The following LMX1B variants were observed in gnomAD, a reference collection of about 807,000 sequenced individuals.
LMX1B encodes the protein LIM homeobox transcription factor 1 beta.
Under a neutral mutation model 51.4 loss-of-function variants are expected in LMX1B, and 12 were observed. The observed-to-expected ratio is 0.23, with a 90% CI of 0.15 to 0.38. LMX1B has a LOEUF of 0.38. LMX1B is among the 10% of genes least tolerant of loss of function. LMX1B has a pLI of 1.00. For synonymous variants in LMX1B, 237 were observed against 235.4 expected, an observed-to-expected ratio of 1.01 and a Z score of -0.06; for missense variants, 445 against 571.1, an observed-to-expected ratio of 0.78 and a Z score of 2.25.
chr9:126,614,395 C>G lies in LMX1B; in HGVS notation c.-55C>G. Reference sequence around the variant, plus strand: ...GCCGCGGCGGCGGAGAGCGGGTGGACGGGCCGGCGGGCGAGCAGCCCGGCC... The same window carrying G: ...GCCGCGGCGGCGGAGAGCGGGTGGAGGGGCCGGCGGGCGAGCAGCCCGGCC... On this transcript the variant is annotated 5_prime_UTR_variant, in exon 1 of 8. Coordinates refer to ENST00000373474, the MANE Select transcript of LMX1B (RefSeq NM_001174147.2). 7.7e-7 allele frequency: 1 copy of G among 1,304,722 alleles called. No homozygotes were observed. Among genetic ancestry groups the G allele is most frequent in the Non-Finnish European group, 9.8e-7 (1 of 1,021,824 alleles). 80.8% of individuals were successfully genotyped at this position (1,304,722 alleles called of 1,614,324 possible).
chr9:126,635,069 G>A (rs865847622), intron 2 of LMX1B, among the ~76,000 whole-genome samples: 1 of 152,220 alleles, frequency 6.6e-6, no homozygotes, highest in African/African-American at 2.4e-5. Flanking sequence ...TATGAAGCCT[G>A]CTGATGGCCT....
At chr9:126,636,964 C>T (rs1293491605) in intron 2 of LMX1B, among the ~76,000 whole-genome samples, 1 of 152,192 alleles carries the variant, frequency 6.6e-6, no homozygotes, top group Non-Finnish European at 1.5e-5. Context: ...CTGGGTGGGA[C>T]CCAGGAAGCC....
At chr9:126,675,720 T>A (rs1836541810) in intron 2 of LMX1B, among the ~76,000 whole-genome samples, 2 of 123,606 alleles carry the variant, frequency 1.6e-5, no homozygotes, top group Non-Finnish European at 3.3e-5. Flanking sequence ...CAAGACTCCA[T>A]CTCAAAAAAA....
chr9:126,678,326 A>C lies in LMX1B; in HGVS notation c.327-12510A>C, dbSNP rs1485101629. On this transcript the variant is annotated intron_variant, in intron 2 of 7. Coordinates refer to ENST00000373474, the MANE Select transcript of LMX1B (RefSeq NM_001174147.2). ...CTTCGTCTCAAAAAAAAAAAACAAA[A>C]AACAAAAAAAAAAAACAAAAAGACT... Among the ~76,000 whole-genome samples, 11 of 109,076 alleles carry C rather than the reference A, an allele frequency of 1.0e-4. 1 individual carries two copies. The highest frequency in any genetic ancestry group is 6.1e-4 in the African/African-American group (11 of 18,130). The allele number at this position is 109,076 out of a possible 152,430, so 71.6% of individuals were successfully genotyped here.
At chr9:126,694,338 C>T (rs1449469137) in intron 6 of LMX1B, among the ~76,000 whole-genome samples, 1 of 152,194 alleles carries the variant, frequency 6.6e-6, no homozygotes, top group African/African-American at 2.4e-5. Flanking sequence ...TGGACCTCAG[C>T]CCCAAGCCTG....
chr9:126,681,216 C>T (rs1300576391), intron 2 of LMX1B, among the ~76,000 whole-genome samples: 2 of 152,140 alleles, frequency 1.3e-5, no homozygotes, highest in African/African-American at 4.8e-5. Flanking sequence ...GCAGCATCTC[C>T]ACACAGCATC....
intron 2 of LMX1B, among the ~76,000 whole-genome samples, chr9:126,636,848 C>T (rs571432402): frequency 6.6e-6 from 1 of 152,250 alleles, no homozygotes; most frequent in Admixed American, 6.5e-5. Context: ...ACCAGGCGTC[C>T]GTGGCTGTGT....
In LMX1B at chr9:126,621,664, T is replaced by C. The variant is rs1452409597; in HGVS notation, c.326+6095T>C. ...TCTCTCTCTCTCTCTTCTTTTTTTTTTTTTTTTTTTTTTTTTTGCAGTAAA... is the reference window on the plus strand; with the variant it reads ...TCTCTCTCTCTCTCTTCTTTTTTTTCTTTTTTTTTTTTTTTTTGCAGTAAA... On this transcript the variant is annotated intron_variant, in intron 2 of 7. Transcript: ENST00000373474. Among the ~76,000 whole-genome samples, 57 of 83,984 alleles carry C rather than the reference T, an allele frequency of 6.8e-4. No individual in the cohort carries two copies. The East Asian group carries it at 0.03, about 44-fold the overall frequency. The allele number at this position is 83,984 out of a possible 152,430, so 55.1% of individuals were successfully genotyped here.
Position 126,696,350 on chromosome 9 carries a change from G to A in LMX1B, c.1108G>A (p.Asp370Asn), listed in dbSNP as rs78770531. The change falls in exon 8 of 8, where the codon GAC (aspartate) becomes AAC (asparagine). Residue 370 changes from aspartate (D) to asparagine (N), a missense_variant. Around this residue, in one of 3 missense-constraint regions of LMX1B, gnomAD observed 162 missense variants for 187.8 expected, o/e 0.86. Transcript: ENST00000373474. ...DSDTSLTSLS[D>N]CFLGSSDVGS... ...CGATACCTCCTTAACCAGCCTCAGC[G>A]ACTGCTTCCTCGGCTCCTCAGACGT... 4 of 1,613,974 alleles carry A rather than the reference G, an allele frequency of 2.5e-6. No homozygotes were observed. The highest frequency in any genetic ancestry group is 2.5e-6 in the Non-Finnish European group (3 of 1,180,010).
In LMX1B at chr9:126,696,747, TC is replaced by T. The variant is rs2030353254; in HGVS notation, c.*300del. On this transcript the variant is annotated 3_prime_UTR_variant, in exon 8 of 8. Coordinates refer to ENST00000373474, the MANE Select transcript of LMX1B (RefSeq NM_001174147.2). Reference sequence around the variant, plus strand: ...CCCCACCTCGGCCTCCATCGCCTCCTCCCCATCTCTTTTTTGGGAAGCTTAA... The same window carrying T: ...CCCCACCTCGGCCTCCATCGCCTCCTCCCATCTCTTTTTTGGGAAGCTTAA... The T allele has an allele frequency of 1.2e-5, 6 of 515,314 alleles. No individual in the cohort carries two copies. The highest frequency in any genetic ancestry group is 2.1e-5 in the Non-Finnish European group (6 of 286,010). The allele number at this position is 515,314 out of a possible 1,614,324, so 31.9% of individuals were successfully genotyped here. A position where few individuals can be genotyped will look rare whatever the true frequency, so the allele number is the denominator to read the frequency against.
chr9:126,623,856 C>T (rs544695140), intron 2 of LMX1B, among the ~76,000 whole-genome samples: 2 of 152,302 alleles, frequency 1.3e-5, no homozygotes, highest in East Asian at 1.9e-4. Context: ...CTTCGACGTC[C>T]GGACACGCGG....
chr9:126,621,543 C>T (rs777165215), intron 2 of LMX1B, among the ~76,000 whole-genome samples: 2 of 152,092 alleles, frequency 1.3e-5, no homozygotes, highest in Admixed American at 6.6e-5. Flanking sequence ...GCCATTTCAT[C>T]GACCGGCTGG....
chr9:126,654,717 G>A (rs1458820125), intron 2 of LMX1B, among the ~76,000 whole-genome samples: 1 of 152,246 alleles, frequency 6.6e-6, no homozygotes, highest in Non-Finnish European at 1.5e-5. Context: ...CAACTGCTGA[G>A]TGCCTGCTGG....
intron 3 of LMX1B, 38 bp downstream of exon 3, chr9:126,691,106 C>T (rs758715560): frequency 1.1e-5 from 17 of 1,534,776 alleles, no homozygotes; most frequent in South Asian, 4.6e-5. Flanking sequence ...GCCTCAGGGA[C>T]GGGGGTTGCT....
At chr9:126,652,000 TG>T (rs5900714) in intron 2 of LMX1B, among the ~76,000 whole-genome samples, 23 of 148,920 alleles carry the variant, frequency 1.5e-4, no homozygotes, top group African/African-American at 3.7e-4. Flanking sequence ...TGGCCAGAGA[TG>T]GGGGGGGGCC....
chr9:126,640,033 C>T (rs780155427), intron 2 of LMX1B, among the ~76,000 whole-genome samples: 1 of 152,220 alleles, frequency 6.6e-6, no homozygotes, highest in East Asian at 1.9e-4. Flanking sequence ...TCCTCCTTAA[C>T]GCAGTTAATG....
chr9:126,626,994 C>A lies in LMX1B; in HGVS notation c.326+11425C>A, dbSNP rs569370595. Among the ~76,000 whole-genome samples, 1 of 152,330 alleles carries A rather than the reference C, an allele frequency of 6.6e-6. No individual in the cohort carries two copies. Among genetic ancestry groups the A allele is most frequent in the Non-Finnish European group, 1.5e-5 (1 of 68,024 alleles). On this transcript the variant is annotated intron_variant, in intron 2 of 7. Transcript: ENST00000373474. The surrounding 1 kb of genome is among the most constrained non-coding windows in gnomAD (Gnocchi z 4.3). ...AGAGGCCTTGGTCTTGGGGGAGGCC[C>A]CCGCCTGAGCATTGATAAGGGTCTG...
intron 2 of LMX1B, among the ~76,000 whole-genome samples, chr9:126,652,649 C>CCGA (rs1462210239): frequency 6.6e-6 from 1 of 152,170 alleles, no homozygotes; most frequent in African/African-American, 2.4e-5. Context: ...CATCTGCCCT[C>CCGA]GGCACAGGAG....
intron 2 of LMX1B, among the ~76,000 whole-genome samples, chr9:126,654,498 A>C (rs1836076845): frequency 1.3e-5 from 2 of 152,242 alleles, no homozygotes; most frequent in African/African-American, 4.8e-5. Flanking sequence ...GGTTGGTGGT[A>C]GGTACCAGGT....
Sources: gnomAD v4.1 joint callset for allele counts (sites outside exome capture counted in the v4.1 genomes callset) on GRCh38, gnomAD v4.1.1 for gene constraint, gnomAD v4.1.1 regional missense constraint, Gnocchi (gnomAD v3.1) non-coding constraint, MANE v1.5 for transcripts, NCBI Gene and HGNC (gene_info 2026-07-23, HGNC 2026-07-21) for gene names.